The following SLC25A3 variants were observed in gnomAD, a reference collection of about 807,000 sequenced individuals.
SLC25A3 encodes the protein solute carrier family 25 member 3.
A neutral mutation model predicts 37.1 loss-of-function variants in SLC25A3; 14 were observed. The observed-to-expected ratio is 0.38, with a 90% CI of 0.25 to 0.59. SLC25A3 has a LOEUF of 0.59. SLC25A3 is among the 20% of genes least tolerant of loss of function. SLC25A3 has a pLI of 0.67. For synonymous variants in SLC25A3, 161 were observed against 168.7 expected, an observed-to-expected ratio of 0.95 and a Z score of 0.36; for missense variants, 385 against 458.1, an observed-to-expected ratio of 0.84 and a Z score of 1.46.
At chr12:98,601,143 C>G in intron 6 of SLC25A3, 28 bp from the exon 7 acceptor site, 1 of 1,609,526 alleles carries the variant, frequency 6.2e-7, no homozygotes, top group Non-Finnish European at 8.5e-7. Context: ...TTAACTGGCA[C>G]TGTATGGGAT....
Position 98,595,832 on chromosome 12 carries a change from T to C in SLC25A3, c.263T>C (p.Val88Ala). 1 of 1,614,070 alleles carries C rather than the reference T, an allele frequency of 6.2e-7. No homozygotes were observed. Among genetic ancestry groups the C allele is most frequent in the East Asian group, 2.2e-5 (1 of 44,880 alleles). Residue 88 changes from valine (V) to alanine (A), a missense_variant, in exon 3 of 8, where the codon GTG becomes GCG. Val to Ala is a moderately conservative substitution (Grantham distance 64). This residue lies in a region of SLC25A3 where 276 missense variants were observed against 367.6 expected (regional missense o/e 0.75). Coordinates refer to ENST00000552981, the MANE Select transcript of SLC25A3 (RefSeq NM_002635.4). ...ACTGCTGTGGTTCCCCTGGATTTAG[T>C]GAAATGCCGTATGCAGGTTTGTATT... is the stretch of plus-strand genomic sequence containing the variant. ...THTAVVPLDLVKCRMQVDPQK... is the reference protein window; with the variant it reads ...THTAVVPLDLAKCRMQVDPQK...
At position 98,602,747 on chromosome 12, in the gene SLC25A3, A is replaced by G. The variant is rs2097598865; in HGVS notation, c.*1219A>G. 1 of 152,216 alleles carries G rather than the reference A, an allele frequency of 6.6e-6. No homozygotes were observed. Among genetic ancestry groups the G allele is most frequent in the African/African-American group, 2.4e-5 (1 of 41,464 alleles). 9.4% of individuals were successfully genotyped at this position (152,216 alleles called of 1,614,324 possible). A position where few individuals can be genotyped will look rare whatever the true frequency, so the allele number is the denominator to read the frequency against. The stretch of plus-strand genomic sequence containing the variant: ...AAACGAAAAACCTAGTGTAATATAT[A>G]ACATGCTGTTTTTCAAACACTAGAT... On this transcript the variant is annotated 3_prime_UTR_variant, in exon 8 of 8. Transcript: ENST00000552981.
intron 5 of SLC25A3, 175 bp from the exon 6 acceptor site, chr12:98,599,780 T>C: frequency 1.2e-6 from 1 of 804,766 alleles, no homozygotes; most frequent in Non-Finnish European, 2.2e-6. Context: ...GTCATTGGCA[T>C]GTAAGAGAAA....
chr12:98,595,610 T>G (rs1240224843), intron 2 of SLC25A3, 117 bp from the exon 3 acceptor site: 2 of 1,612,746 alleles, frequency 1.2e-6, no homozygotes, highest in Non-Finnish European at 1.7e-6. Flanking sequence ...GACTGTTAAG[T>G]TATAAGATAT....
At position 98,594,077 on chromosome 12, in the gene SLC25A3, C is replaced by T; in HGVS notation, c.99C>T (p.Ser33=). The part of the protein sequence containing the change: ...HDGLGDLRSS[S]PGPTGQPRRP... ...GTCTCGGGGACCTCCGCAGCAGCTC[C>T]CCAGGGCCCACGGGCCAGCCCCGCC... Residue 33 remains serine (S), a synonymous_variant, in exon 2 of 8, where the codon TCC becomes TCT. Transcript: ENST00000552981. 1 of 1,612,648 alleles carries T rather than the reference C, an allele frequency of 6.2e-7. No homozygotes were observed. The highest frequency in any genetic ancestry group is 8.5e-7 in the Non-Finnish European group (1 of 1,179,702).
chr12:98,596,620 T>C (rs1221274335), intron 3 of SLC25A3, among the ~76,000 whole-genome samples: 1 of 152,196 alleles, frequency 6.6e-6, no homozygotes, highest in Admixed American at 6.5e-5. Flanking sequence ...TTGTGTTTAG[T>C]TTGTTTAGTG....
rs542496477 is a variant in SLC25A3 at position 98,598,425 on chromosome 12, A to G, written c.460-97A>G. 1,056 of 1,589,552 alleles carry G rather than the reference A, an allele frequency of 6.6e-4. 6 individuals are homozygous for G. In the African/African-American group the frequency reaches 0.012, roughly 19 times the overall value. On this transcript the variant is annotated intron_variant, in intron 4 of 7. Transcript: ENST00000552981. ...TCCATATCATCGTGTGTTACTTTAT[A>G]AAATGTCTGAAGCTTAGTTGTTTTC...
At chr12:98,600,176 A>T in intron 6 of SLC25A3, 49 bp downstream of exon 6, 2 of 1,263,410 alleles carry the variant, frequency 1.6e-6, no homozygotes, top group Non-Finnish European at 2.3e-6. Flanking sequence ...ACAAATAATC[A>T]TTTCCATTAT....
At position 98,601,483 on chromosome 12, in the gene SLC25A3, C is replaced by T. The variant is rs751686565; in HGVS notation, c.1041C>T (p.Pro347=). ...VYFRLPRPPP[P]EMPESLKKKL... is the part of the protein sequence containing the mutation. ...TCAGACTTCCTCGCCCTCCTCCACC[C>T]GAGATGCCAGAGTCTCTGAAGAAGA... The change falls in exon 8 of 8, where the codon CCC becomes CCT. Residue 347 remains proline, a synonymous_variant. Transcript: ENST00000552981. 11 of 1,613,876 alleles carry T rather than the reference C, an allele frequency of 6.8e-6. No homozygotes were observed. The highest frequency in any genetic ancestry group is 2.7e-5 in the African/African-American group (2 of 74,898).
rs1179287418 is a variant in SLC25A3 at position 98,603,788 on chromosome 12, C to T, written c.*2260C>T. 3.3e-5 allele frequency: 5 copies of T among 152,158 alleles called. No individual in the cohort carries two copies. Among genetic ancestry groups the T allele is most frequent in the African/African-American group, 1.2e-4 (5 of 41,428 alleles). 9.4% of individuals were successfully genotyped at this position (152,158 alleles called of 1,614,324 possible). A position where few individuals can be genotyped will look rare whatever the true frequency, so the allele number is the denominator to read the frequency against. ...TTCTGAGAGAAAGCCACTTCATCCT[C>T]AAAACCCAAGAGGCCCACTTAAAGT... On this transcript the variant is annotated 3_prime_UTR_variant, in exon 8 of 8. Transcript: ENST00000552981.
chr12:98,599,907 A>G, intron 5 of SLC25A3, 48 bp from the exon 6 acceptor site: 2 of 1,605,968 alleles, frequency 1.2e-6, no homozygotes, highest in East Asian at 4.5e-5. Flanking sequence ...ACAGTCTCTG[A>G]TAGATGAGTG....
intron 2 of SLC25A3, 26 bp from the exon 3 acceptor site, chr12:98,595,701 G>T (rs778163338): frequency 1.2e-6 from 2 of 1,614,096 alleles, no homozygotes; most frequent in Non-Finnish European, 8.5e-7. Context: ...ATATTAAAAT[G>T]CATGGTGTGT....
At chr12:98,595,197 T>C in intron 2 of SLC25A3, 1 of 535,432 alleles carries the variant, frequency 1.9e-6, no homozygotes. Flanking sequence ...TGTAGAAAAC[T>C]TTTAAAAAAA....
chr12:98,603,214 T>G lies in SLC25A3; in HGVS notation c.*1686T>G, dbSNP rs1784097215. 1 of 152,084 alleles carries G rather than the reference T, an allele frequency of 6.6e-6. No homozygotes were observed. 9.4% of individuals were successfully genotyped at this position (152,084 alleles called of 1,614,324 possible). On this transcript the variant is annotated 3_prime_UTR_variant, in exon 8 of 8. Coordinates refer to ENST00000552981, the MANE Select transcript of SLC25A3 (RefSeq NM_002635.4). ...AGAACTCGGGAGTATCAGACTCTTC[T>G]GGTTCTGAGTCTCATGAAGCTTTTC...
intron 3 of SLC25A3, among the ~76,000 whole-genome samples, chr12:98,597,015 AAAAC>A (rs965302962): frequency 4.1e-4 from 62 of 152,296 alleles, no homozygotes; most frequent in African/African-American, 1.2e-3. Flanking sequence ...CAAGACTCAA[AAAAC>A]AAACAAACAA....
At position 98,598,551 on chromosome 12, in the gene SLC25A3, A is replaced by G. The variant is rs1021409568; in HGVS notation, c.489A>G (p.Leu163=). Residue 163 remains leucine, a synonymous_variant, in exon 5 of 8, where the codon CTA becomes CTG. Transcript: ENST00000552981. The part of the protein sequence containing the change: ...EENTYLWRTS[L]YLAASASAEF... ...ATACTTATCTCTGGCGCACATCACT[A>G]TATTTGGCTGCCTCTGCCAGTGCTG... 1.2e-6 allele frequency: 2 copies of G among 1,613,282 alleles called. No individual in the cohort carries two copies. Among genetic ancestry groups the G allele is most frequent in the Non-Finnish European group, 1.7e-6 (2 of 1,180,002 alleles).
chr12:98,595,401 C>T (rs1343273688), intron 2 of SLC25A3: 3 of 1,609,670 alleles, frequency 1.9e-6, no homozygotes, highest in East Asian at 2.2e-5. Context: ...TGAAGAAATA[C>T]TTACTTGATT....
In SLC25A3 at chr12:98,604,828, G is replaced by A. The variant is rs905193075; in HGVS notation, c.*3300G>A. ...CCAGACTGGAGTGCAGTGGCACGATGATAGCTCACTGCAGCCTCGATCTCC... is the reference window on the plus strand; with the variant it reads ...CCAGACTGGAGTGCAGTGGCACGATAATAGCTCACTGCAGCCTCGATCTCC... On this transcript the variant is annotated 3_prime_UTR_variant, in exon 8 of 8. Coordinates refer to ENST00000552981, the MANE Select transcript of SLC25A3 (RefSeq NM_002635.4). The A allele has an allele frequency of 4.6e-5, 7 of 152,582 alleles. No individual in the cohort carries two copies. The highest frequency in any genetic ancestry group is 1.7e-4 in the African/African-American group (7 of 41,440). The allele number at this position is 152,582 out of a possible 1,614,324, so 9.5% of individuals were successfully genotyped here.
Position 98,603,795 on chromosome 12 carries a change from CAA to C in SLC25A3, c.*2268_*2269del, listed in dbSNP as rs1428987681. ...AGAAAGCCACTTCATCCTCAAAACC[CAA>C]GAGGCCCACTTAAAGTGATGCGAAT... On this transcript the variant is annotated 3_prime_UTR_variant, in exon 8 of 8. Transcript: ENST00000552981. 6.6e-6 allele frequency: 1 copy of C among 152,152 alleles called. No homozygotes were observed. The highest frequency in any genetic ancestry group is 1.5e-5 in the Non-Finnish European group (1 of 68,024). The allele number at this position is 152,152 out of a possible 1,614,324, so 9.4% of individuals were successfully genotyped here.
Sources: gnomAD v4.1 joint callset for allele counts (sites outside exome capture counted in the v4.1 genomes callset) on GRCh38, gnomAD v4.1.1 for gene constraint, gnomAD v4.1.1 regional missense constraint, MANE v1.5 for transcripts, NCBI Gene and HGNC (gene_info 2026-07-23, HGNC 2026-07-21) for gene names.